SNX10: variants seen among roughly 807,000 people sequenced by gnomAD.
The protein encoded by SNX10 is sorting nexin 10.
Under a neutral mutation model 28.5 loss-of-function variants are expected in SNX10, and 25 were observed. The ratio of observed to expected loss-of-function variants is 0.88; its 90% confidence interval spans 0.64 to 1.22. The LOEUF (loss-of-function observed/expected upper bound fraction) is 1.22, where lower values mean the gene tolerates loss of function less well. Among genes scored for constraint, SNX10 ranks in the 50% most tolerant of loss-of-function variants. SNX10 has a pLI of 0.00. For synonymous variants in SNX10, 62 were observed against 81.4 expected, an observed-to-expected ratio of 0.76 and a Z score of 1.28; for missense variants, 223 against 242.6, an observed-to-expected ratio of 0.92 and a Z score of 0.54.
At chr7:26,371,650 A>G (rs1230742455) in intron 5 of SNX10, among the ~76,000 whole-genome samples, 171 bp from the exon 6 acceptor site, 4 of 152,220 alleles carry the variant, frequency 2.6e-5, no homozygotes, top group African/African-American at 9.6e-5. Context: ...ATAATTGAAT[A>G]AAAGTTAACA....
chr7:26,342,001 T>TTTCTTTCC (rs1481287759), intron 1 of SNX10, among the ~76,000 whole-genome samples: 4 of 146,038 alleles, frequency 2.7e-5, no homozygotes, highest in Non-Finnish European at 4.5e-5. Flanking sequence ...TCTCTCTTTC[T>TTTCTTTCC]TTCTTTCCTT....
chr7:26,316,358 A>T (rs1378619365), intron 1 of SNX10, among the ~76,000 whole-genome samples: 1 of 152,178 alleles, frequency 6.6e-6, no homozygotes, highest in Non-Finnish European at 1.5e-5. Flanking sequence ...ATGGATGGGA[A>T]CAATGAATCA....
chr7:26,357,413 G>C (rs1788872343), intron 2 of SNX10, among the ~76,000 whole-genome samples: 1 of 151,666 alleles, frequency 6.6e-6, no homozygotes, highest in Non-Finnish European at 1.5e-5. Context: ...GTGTGAAGTG[G>C]CATGTTGCTT....
At chr7:26,358,805 G>GTTTTTTTTTTTTTTTTTTTTTT (rs35527687) in intron 2 of SNX10, among the ~76,000 whole-genome samples, 8 of 100,106 alleles carry the variant, frequency 8.0e-5, no homozygotes, top group African/African-American at 2.6e-4. Context: ...GTTATCTTGT[G>GTTTTTTTTTTTTTTTTTTTTTT]TTTTTTTTTT....
chr7:26,329,679 G>A (rs1267451415), intron 1 of SNX10, among the ~76,000 whole-genome samples: 2 of 152,144 alleles, frequency 1.3e-5, no homozygotes, highest in African/African-American at 4.8e-5. Flanking sequence ...ACCTGCTTGA[G>A]GAACCTGCTT....
chr7:26,331,029 T>C (rs1234728845), intron 1 of SNX10, among the ~76,000 whole-genome samples: 2 of 152,106 alleles, frequency 1.3e-5, no homozygotes, highest in South Asian at 4.1e-4. Flanking sequence ...CATGCACTTA[T>C]AGTCCCAGCT....
intron 1 of SNX10, among the ~76,000 whole-genome samples, chr7:26,341,980 TTCTCTC>T (rs56027802): frequency 1.9e-5 from 2 of 103,114 alleles, no homozygotes; most frequent in Admixed American, 1.1e-4. Context: ...TTTCTCTTCT[TTCTCTC>T]TCTCTCTCTC....
chr7:26,355,935 C>A (rs35070084), intron 2 of SNX10, among the ~76,000 whole-genome samples: 7,816 of 152,162 alleles, frequency 0.051, 256 homozygotes, highest in East Asian at 0.11. Flanking sequence ...ATATACTGAG[C>A]TCTGAGGGTT....
At chr7:26,371,148 C>T (rs1789514649) in intron 5 of SNX10, among the ~76,000 whole-genome samples, 1 of 151,992 alleles carries the variant, frequency 6.6e-6, no homozygotes, top group Non-Finnish European at 1.5e-5. Flanking sequence ...ATGTATTCAT[C>T]ACAAAATTAT....
chr7:26,346,434 G>A lies in SNX10; in HGVS notation c.-9G>A, dbSNP rs777398855. The A allele has an allele frequency of 1.5e-4, 242 of 1,607,604 alleles. No individual in the cohort carries two copies. The highest frequency in any genetic ancestry group is 2.1e-4 in the South Asian group (19 of 90,936). On this transcript the variant is annotated 5_prime_UTR_variant, in exon 2 of 7. In the 5' UTR this introduces an upstream ATG that the reference lacks. Coordinates refer to ENST00000338523, the MANE Select transcript of SNX10 (RefSeq NM_013322.3). ...TTATTTTTCAGATTGATCGTGTCCT[G>A]TGCTGAAGATGTTTCCGGAACAACA...
At chr7:26,345,756 A>G (rs1584147093) in intron 1 of SNX10, among the ~76,000 whole-genome samples, 2 of 152,108 alleles carry the variant, frequency 1.3e-5, no homozygotes, top group African/African-American at 2.4e-5. Context: ...ATAGGCAGGG[A>G]ATTTAAATTT....
At chr7:26,303,337 T>C (rs114579794) in intron 1 of SNX10, among the ~76,000 whole-genome samples, 243 of 152,320 alleles carry the variant, frequency 1.6e-3, no homozygotes, top group African/African-American at 5.6e-3. Flanking sequence ...AGCTGCACTT[T>C]CACTCCTCTC....
intron 2 of SNX10, among the ~76,000 whole-genome samples, chr7:26,351,202 A>T (rs965572106): frequency 6.6e-6 from 1 of 152,240 alleles, no homozygotes; most frequent in African/African-American, 2.4e-5. Context: ...GGCTTAGGAA[A>T]AGAAAGAATT....
At chr7:26,302,884 G>A (rs1001939159) in intron 1 of SNX10, among the ~76,000 whole-genome samples, 1 of 152,162 alleles carries the variant, frequency 6.6e-6, no homozygotes, top group Non-Finnish European at 1.5e-5. Flanking sequence ...GGGCGACGGA[G>A]GTTGCAGTGA....
intron 1 of SNX10, among the ~76,000 whole-genome samples, chr7:26,336,932 A>G (rs778678498): frequency 3.9e-5 from 6 of 152,202 alleles, no homozygotes; most frequent in Non-Finnish European, 7.3e-5. Flanking sequence ...CACATGTAGC[A>G]CTGATATTTT....
rs145912334 is a variant in SNX10 at position 26,340,879 on chromosome 7, T to C, written c.-23-5541T>C. Reference sequence around the variant, plus strand: ...CCTGGGCTGAAGGGATCCTCCCACCTCAGCCTCCTGAGTAGTTAGGAATAC... The same window carrying C: ...CCTGGGCTGAAGGGATCCTCCCACCCCAGCCTCCTGAGTAGTTAGGAATAC... On this transcript the variant is annotated intron_variant, in intron 1 of 6. Coordinates refer to ENST00000338523, the MANE Select transcript of SNX10 (RefSeq NM_013322.3). 4.7e-3 allele frequency among the ~76,000 whole-genome samples: 715 copies of C among 152,312 alleles called. 6 individuals carry two copies. The highest frequency in any genetic ancestry group is 0.016 in the African/African-American group (684 of 41,570).
intron 1 of SNX10, among the ~76,000 whole-genome samples, chr7:26,335,813 C>T (rs1331653752): frequency 4.3e-5 from 6 of 140,854 alleles, no homozygotes; most frequent in East Asian, 4.1e-4. Flanking sequence ...GCGCGATCTC[C>T]GCTCACTGCA....
intron 1 of SNX10, among the ~76,000 whole-genome samples, chr7:26,304,169 G>A (rs974343050): frequency 5.9e-5 from 9 of 152,086 alleles, no homozygotes; most frequent in African/African-American, 1.9e-4. Context: ...ACTCCTCCTC[G>A]GCTTGCCTAC....
intron 1 of SNX10, among the ~76,000 whole-genome samples, chr7:26,336,908 G>A (rs1421118438): frequency 1.3e-5 from 2 of 151,728 alleles, no homozygotes; most frequent in Non-Finnish European, 2.9e-5. Context: ...ATTCTTTCCT[G>A]TACAAATATT....
Sources: allele counts gnomAD v4.1 joint callset (sites outside exome capture counted in the v4.1 genomes callset), GRCh38; gene constraint gnomAD v4.1.1; transcripts MANE v1.5; gene names NCBI Gene and HGNC (gene_info 2026-07-23, HGNC 2026-07-21).